Variants in PDGFRL observed in about 807,000 individuals in gnomAD.
PDGFRL encodes the protein platelet derived growth factor receptor like.
In PDGFRL, 46 loss-of-function variants were observed where a neutral mutation model predicts 37.2. The ratio of observed to expected loss-of-function variants is 1.24; its 90% CI spans 0.98 to 1.58. The LOEUF (loss-of-function observed/expected upper bound fraction) is 1.58, where lower values mean the gene tolerates loss of function less well. Among genes scored for constraint, PDGFRL ranks in the 40% most tolerant of loss-of-function variants. The pLI is 0.00. For missense variants in PDGFRL, 692 were observed against 467.6 expected (o/e 1.48, Z -4.43); for synonymous variants, 251 against 184.3 (o/e 1.36, Z -2.93).
chr8:17,607,695 T>A (rs1804312741), intron 2 of PDGFRL, among the ~76,000 whole-genome samples: 1 of 152,212 alleles, frequency 6.6e-6, no homozygotes. Context: ...TACATGTGGG[T>A]GACGTCTGGG....
upstream of PDGFRL, chr8:17,576,604 A>T (rs1198596931): frequency 3.0e-5 from 13 of 431,898 alleles, no homozygotes; most frequent in Non-Finnish European, 4.0e-5. Flanking sequence ...CTGCCTCACC[A>T]CCAGAGGCCC....
chr8:17,628,469 T>G lies in PDGFRL; in HGVS notation c.506-18T>G. On this transcript the variant is annotated intron_variant, in intron 3 of 5. Transcript: ENST00000251630. ...CGTCTCCGGAGTGAATAAGCCTGTGTCTTCCTTCCCTTTGCAGAGAAAGGA... is the reference window on the plus strand; with the variant it reads ...CGTCTCCGGAGTGAATAAGCCTGTGGCTTCCTTCCCTTTGCAGAGAAAGGA... The G allele has an allele frequency of 6.2e-7, 1 of 1,608,866 alleles. No homozygotes were observed. Among genetic ancestry groups the G allele is most frequent in the African/African-American group, 1.3e-5 (1 of 74,956 alleles).
chr8:17,631,124 C>A (rs768388560), intron 4 of PDGFRL, among the ~76,000 whole-genome samples: 1 of 152,140 alleles, frequency 6.6e-6, no homozygotes, highest in East Asian at 1.9e-4. Context: ...GGAGCAGTTG[C>A]GTTGCAGAAC....
rs186662403 is a variant in PDGFRL, at chr8:17,583,175, T to G, written c.55+5868T>G. Among the ~76,000 whole-genome samples the G allele has an allele frequency of 4.5e-3, 683 of 151,578 alleles. 9 individuals carry two copies. Among genetic ancestry groups the G allele is most frequent in the African/African-American group, 0.016 (665 of 41,302 alleles). On this transcript the variant is annotated intron_variant, in intron 1 of 5. Transcript: ENST00000251630. ...CAGAGGATGTATCAGAAAGCCTGAGTGTGCGAGCAGAAGCCTGCTACAGGG... is the reference window on the plus strand; with the variant it reads ...CAGAGGATGTATCAGAAAGCCTGAGGGTGCGAGCAGAAGCCTGCTACAGGG...
intron 4 of PDGFRL, among the ~76,000 whole-genome samples, chr8:17,632,498 C>G (rs967105873): frequency 6.6e-6 from 1 of 152,092 alleles, no homozygotes; most frequent in African/African-American, 2.4e-5. Flanking sequence ...CCACCATGCC[C>G]AGCTAATTTT....
At chr8:17,603,032 G>T (rs1228966537) in intron 2 of PDGFRL, among the ~76,000 whole-genome samples, 1 of 151,702 alleles carries the variant, frequency 6.6e-6, no homozygotes, top group Non-Finnish European at 1.5e-5. Context: ...GCCCAGCCTG[G>T]AGTGCAGTGG....
chr8:17,607,158 T>G (rs2129691905), intron 2 of PDGFRL, among the ~76,000 whole-genome samples: 1 of 152,142 alleles, frequency 6.6e-6, no homozygotes, highest in East Asian at 1.9e-4. Context: ...GGCCTGCGAG[T>G]TTCGTTTTAA....
chr8:17,599,459 A>G (rs1422142719), intron 2 of PDGFRL, among the ~76,000 whole-genome samples: 3 of 152,154 alleles, frequency 2.0e-5, no homozygotes, highest in African/African-American at 4.8e-5. Context: ...TGTCATTTCT[A>G]CTGAACTCTT....
chr8:17,581,062 C>G (rs1803697262), intron 1 of PDGFRL, among the ~76,000 whole-genome samples: 1 of 152,116 alleles, frequency 6.6e-6, no homozygotes, highest in Non-Finnish European at 1.5e-5. Context: ...GACTCCATTC[C>G]TCAATGAGGT....
chr8:17,589,355 C>G, intron 1 of PDGFRL, 113 bp from the exon 2 acceptor site: 1 of 777,638 alleles, frequency 1.3e-6, no homozygotes, highest in Non-Finnish European at 2.1e-6. Context: ...CACTGCCCTC[C>G]AACCTGGGCA....
chr8:17,588,030 G>A (rs560334693), intron 1 of PDGFRL, among the ~76,000 whole-genome samples: 26 of 152,254 alleles, frequency 1.7e-4, no homozygotes, highest in African/African-American at 5.1e-4. Context: ...AGGCAGAACA[G>A]TGGGGGCACT....
At chr8:17,583,460 G>A (rs1229459089) in intron 1 of PDGFRL, among the ~76,000 whole-genome samples, 1 of 152,204 alleles carries the variant, frequency 6.6e-6, no homozygotes, top group Non-Finnish European at 1.5e-5. Flanking sequence ...GCTCAGATGA[G>A]ACTTTGGACT....
intron 2 of PDGFRL, among the ~76,000 whole-genome samples, chr8:17,599,279 C>G (rs1265430396): frequency 2.0e-5 from 3 of 152,206 alleles, no homozygotes; most frequent in Non-Finnish European, 4.4e-5. Context: ...TATTTGTTAT[C>G]TTTTATCCCT....
chr8:17,590,256 A>AT (rs1803908649), intron 2 of PDGFRL, among the ~76,000 whole-genome samples: 1 of 147,028 alleles, frequency 6.8e-6, no homozygotes, highest in African/African-American at 2.5e-5. Flanking sequence ...AAAAAAAAAA[A>AT]TTGCAAATCC....
intron 2 of PDGFRL, among the ~76,000 whole-genome samples, chr8:17,617,615 A>T (rs1018505759): frequency 6.6e-6 from 1 of 152,182 alleles, no homozygotes; most frequent in African/African-American, 2.4e-5. Context: ...CTGAAACTGT[A>T]ATCCCACTAA....
chr8:17,594,453 C>G (rs534528626), intron 2 of PDGFRL, among the ~76,000 whole-genome samples: 17 of 152,168 alleles, frequency 1.1e-4, no homozygotes, highest in African/African-American at 3.9e-4. Context: ...GATGGCCAGG[C>G]TGGTCTTGAA....
chr8:17,579,544 TTTATTATTATTGTTATTATTA>T (rs1803661960), intron 1 of PDGFRL, among the ~76,000 whole-genome samples: 2 of 130,294 alleles, frequency 1.5e-5, no homozygotes, highest in South Asian at 2.5e-4. Flanking sequence ...TTATTATTAT[TTTATTATTATTGTTATTATTA>T]TTATTATTAT....
intron 1 of PDGFRL, 120 bp downstream of exon 1, chr8:17,577,427 C>T (rs562145773): frequency 1.1e-5 from 9 of 816,614 alleles, no homozygotes; most frequent in South Asian, 7.2e-5. Flanking sequence ...GGCTCAGCCC[C>T]CGCGCCACTG....
intron 2 of PDGFRL, among the ~76,000 whole-genome samples, chr8:17,594,754 C>T (rs1383855580): frequency 2.6e-5 from 4 of 152,048 alleles, no homozygotes; most frequent in South Asian, 2.1e-4. Context: ...AGGGTTTCAC[C>T]GTGGTCTCGA....
Sources: gnomAD v4.1 joint callset for allele counts (sites outside exome capture counted in the v4.1 genomes callset) on GRCh38, gnomAD v4.1.1 for gene constraint, MANE v1.5 for transcripts, NCBI Gene and HGNC (gene_info 2026-07-23, HGNC 2026-07-21) for gene names.